ZMYM2: variants seen among roughly 807,000 people sequenced by gnomAD.
ZMYM2 encodes the protein zinc finger MYM-type protein 2.
In ZMYM2, 56 loss-of-function variants were observed where a neutral mutation model predicts 162.8. The ratio of observed to expected loss-of-function variants is 0.34; its 90% CI spans 0.28 to 0.43. ZMYM2 has a LOEUF of 0.43. Among genes scored for constraint, ZMYM2 ranks in the 20% least tolerant of loss-of-function variants. The pLI, the probability that ZMYM2 is intolerant of heterozygous loss-of-function variation, is 1.00. For missense variants in ZMYM2, 1,275 were observed against 1,621.8 expected (o/e 0.79, Z 3.67); for synonymous variants, 510 against 541.6 (o/e 0.94, Z 0.81).
At chr13:20,006,087 G>C (rs568419981) in intron 5 of ZMYM2, among the ~76,000 whole-genome samples, 107 of 152,150 alleles carry the variant, frequency 7.0e-4, no homozygotes, top group African/African-American at 2.5e-3. Context: ...AAAAACATTA[G>C]TTAGGCGTGG....
At chr13:20,003,646 T>C (rs1443056974) in intron 4 of ZMYM2, among the ~76,000 whole-genome samples, 2 of 151,880 alleles carry the variant, frequency 1.3e-5, no homozygotes, top group Non-Finnish European at 2.9e-5. Context: ...TTCTTTTTTT[T>C]TTTTTAGGCA....
In ZMYM2 at chr13:20,003,150, T is replaced by C. The variant is rs779911890; in HGVS notation, c.1133+15T>C. 2 of 1,605,072 alleles carry C rather than the reference T, an allele frequency of 1.2e-6. No homozygotes were observed. Among genetic ancestry groups the C allele is most frequent in the Non-Finnish European group, 1.7e-6 (2 of 1,175,346 alleles). ...ATGTGTAAAAAGTAAGGTTTACCTT[T>C]CAACATAATTACATATAGTTGAATT... On this transcript the variant is annotated intron_variant, in intron 4 of 24. Coordinates refer to ENST00000610343, the MANE Select transcript of ZMYM2 (RefSeq NM_197968.4).
At chr13:19,911,528 T>C in the ZMYM2 span, among the ~76,000 whole-genome samples, 1 of 152,150 alleles carries the variant, frequency 6.6e-6, no homozygotes, top group East Asian at 1.9e-4. Flanking sequence ...GGTGACTATG[T>C]ATTGGGGAAA....
At chr13:20,011,540 T>C (rs1184306195) in intron 6 of ZMYM2, among the ~76,000 whole-genome samples, 2 of 151,946 alleles carry the variant, frequency 1.3e-5, no homozygotes, top group African/African-American at 4.8e-5. Flanking sequence ...TTCTCAATAA[T>C]GTCCTTTGAT....
At chr13:19,989,479 T>G (rs1310590016) in intron 2 of ZMYM2, among the ~76,000 whole-genome samples, 3 of 152,086 alleles carry the variant, frequency 2.0e-5, no homozygotes, top group Non-Finnish European at 2.9e-5. Context: ...AATTTTTGTA[T>G]TTTTAGTAGA....
chr13:20,012,016 C>T (rs1436049280), intron 6 of ZMYM2, among the ~76,000 whole-genome samples: 1 of 152,040 alleles, frequency 6.6e-6, no homozygotes, highest in Non-Finnish European at 1.5e-5. Flanking sequence ...TCCCAAAGTG[C>T]TAGGATTACA....
chr13:20,068,490 T>G (rs1956843795), intron 21 of ZMYM2: 1 of 156,220 alleles, frequency 6.4e-6, no homozygotes, highest in Non-Finnish European at 1.4e-5. Context: ...TCTAGGAATA[T>G]TAATGTATTA....
At chr13:19,912,586 G>C in the ZMYM2 span, among the ~76,000 whole-genome samples, 1 of 152,034 alleles carries the variant, frequency 6.6e-6, no homozygotes, top group Non-Finnish European at 1.5e-5. Context: ...CACCCACCTT[G>C]ACCTCCCAAA....
At chr13:19,903,483 C>CAAAAAAAAAAAAAA in the ZMYM2 span, among the ~76,000 whole-genome samples, 5 of 83,714 alleles carry the variant, frequency 6.0e-5, no homozygotes, top group Non-Finnish European at 1.2e-4. Context: ...ACTAAAAATA[C>CAAAAAAAAAAAAAA]AAAAAAAAAA....
chr13:20,045,274 A>G (rs1954665651), intron 12 of ZMYM2, among the ~76,000 whole-genome samples: 1 of 152,178 alleles, frequency 6.6e-6, no homozygotes, highest in African/African-American at 2.4e-5. Context: ...CATATTGTAA[A>G]TAAAAAAAGG....
At chr13:20,031,549 A>T (rs1953137328) in intron 10 of ZMYM2, 114 bp downstream of exon 10, 2 of 700,966 alleles carry the variant, frequency 2.9e-6, no homozygotes, top group East Asian at 3.1e-5. Flanking sequence ...TATGCTTTTC[A>T]GATTTTTTTT....
the ZMYM2 span, among the ~76,000 whole-genome samples, chr13:19,920,569 G>A: frequency 6.6e-6 from 1 of 151,760 alleles, no homozygotes; most frequent in African/African-American, 2.4e-5. Context: ...CTGTGAAGGA[G>A]GAGGTGATTA....
At chr13:19,952,695 G>A in the ZMYM2 span, among the ~76,000 whole-genome samples, 1 of 152,026 alleles carries the variant, frequency 6.6e-6, no homozygotes, top group Non-Finnish European at 1.5e-5. Context: ...ACAATAAACT[G>A]GAAAAATGAT....
chr13:19,985,938 C>A (rs1048808815), intron 2 of ZMYM2, among the ~76,000 whole-genome samples: 3 of 152,018 alleles, frequency 2.0e-5, no homozygotes, highest in African/African-American at 7.2e-5. Context: ...TAAATCCCAG[C>A]TACTCAGGAG....
At chr13:19,950,892 G>A in the ZMYM2 span, among the ~76,000 whole-genome samples, 4 of 152,320 alleles carry the variant, frequency 2.6e-5, no homozygotes, top group Non-Finnish European at 5.9e-5. Flanking sequence ...GTTTTGCAGT[G>A]AGTACCTCTA....
chr13:19,993,291 A>G lies in ZMYM2; in HGVS notation c.219A>G (p.Val73=). 6.2e-7 allele frequency: 1 copy of G among 1,613,984 alleles called. No individual in the cohort carries two copies. Among genetic ancestry groups the G allele is most frequent in the Non-Finnish European group, 8.5e-7 (1 of 1,179,894 alleles). ...IEPVQPPPPS[V]PVVADQRTIT... ...CTGTACAACCTCCCCCACCTTCTGT[A>G]CCAGTGGTAGCTGATCAAAGAACCA... Residue 73 remains valine, a synonymous_variant, in exon 3 of 25, where the codon GTA becomes GTG. Transcript: ENST00000610343.
intron 2 of ZMYM2, 38 bp from the exon 3 acceptor site, chr13:19,993,025 T>C: frequency 2.0e-6 from 3 of 1,529,102 alleles, no homozygotes; most frequent in Non-Finnish European, 1.8e-6. Context: ...TAAAAAGTCA[T>C]ACTGACATTT....
chr13:19,971,263 T>TATATATATATATATATATATATATATA, intron 2 of ZMYM2, among the ~76,000 whole-genome samples: 1 of 64,528 alleles, frequency 1.5e-5, no homozygotes, highest in East Asian at 1.3e-3. Context: ...TATATATATA[T>TATATATATATATATATATATATATATA]TTTTTTTTTT....
chr13:19,885,539 C>T, the ZMYM2 span, among the ~76,000 whole-genome samples: 12 of 152,006 alleles, frequency 7.9e-5, no homozygotes, highest in Admixed American at 7.9e-4. Context: ...ATTTATTTGT[C>T]TTAAAAATAT....
Sources: allele counts gnomAD v4.1 joint callset (sites outside exome capture counted in the v4.1 genomes callset), GRCh38; gene constraint gnomAD v4.1.1; transcripts MANE v1.5; gene names NCBI Gene and HGNC (gene_info 2026-07-23, HGNC 2026-07-21).